The following SPNS2 variants were observed in gnomAD, a reference collection of about 807,000 sequenced individuals.
SPNS2 encodes the protein sphingosine-1-phosphate transporter SPNS2.
A neutral mutation model predicts 57.6 loss-of-function variants in SPNS2; 37 were observed. That is an observed-to-expected ratio of 0.64 (90% confidence interval 0.49 to 0.85). SPNS2 has a LOEUF of 0.85. Among genes scored for constraint, SPNS2 ranks in the 40% least tolerant of loss-of-function variants. The pLI is 0.00. For missense variants in SPNS2, 831 were observed against 779.1 expected (o/e 1.07, Z -0.79); for synonymous variants, 440 against 346.9 (o/e 1.27, Z -2.98).
At chr17:4,505,197 A>AC (rs1169394057) in intron 1 of SPNS2, among the ~76,000 whole-genome samples, 1 of 151,770 alleles carries the variant, frequency 6.6e-6, no homozygotes, top group Non-Finnish European at 1.5e-5. Flanking sequence ...CACACCTGGG[A>AC]CCCCCGCATG....
chr17:4,518,454 C>T (rs571343496), intron 2 of SPNS2, among the ~76,000 whole-genome samples: 14 of 152,274 alleles, frequency 9.2e-5, no homozygotes, highest in African/African-American at 3.1e-4. Context: ...ACCCAGGAGG[C>T]GGAGCTTGCA....
chr17:4,503,949 G>A (rs1904602425), intron 1 of SPNS2, among the ~76,000 whole-genome samples: 1 of 151,952 alleles, frequency 6.6e-6, no homozygotes, highest in Admixed American at 6.5e-5. Context: ...GCAGGAGGAG[G>A]GGGTGCCAGG....
intron 9 of SPNS2, 71 bp downstream of exon 9, chr17:4,533,924 GAGGGCGGGTGAA>G: frequency 3.3e-6 from 4 of 1,226,594 alleles, no homozygotes; most frequent in Non-Finnish European, 2.4e-6. Context: ...GGTGCCTGGG[GAGGGCGGGTGAA>G]GGGGCGGGAG....
Position 4,533,092 on chromosome 17 carries a change from G to A in SPNS2, c.1051G>A (p.Glu351Lys). Residue 351 changes from glutamate (E) to lysine (K), a missense_variant, in exon 7 of 13, where the codon GAG becomes AAG. This residue lies in a region of SPNS2 where 526 missense variants were observed against 400.9 expected (regional missense o/e 1.31). Coordinates refer to ENST00000329078, the MANE Select transcript of SPNS2 (RefSeq NM_001124758.3). ...HRAQVVQKTA[E>K]TCNSPPCGAK... Reference sequence around the variant, plus strand: ...CGCCCAAGTTGTGCAGAAGACAGCAGAGACGTGCAACAGCCCGCCCTGTGG... The same window carrying A: ...CGCCCAAGTTGTGCAGAAGACAGCAAAGACGTGCAACAGCCCGCCCTGTGG... 6.2e-7 allele frequency: 1 copy of A among 1,612,924 alleles called. No individual in the cohort carries two copies. Among genetic ancestry groups the A allele is most frequent in the Non-Finnish European group, 8.5e-7 (1 of 1,179,722 alleles).
intron 9 of SPNS2, among the ~76,000 whole-genome samples, chr17:4,535,060 T>G (rs1905709313): frequency 6.6e-6 from 1 of 152,198 alleles, no homozygotes; most frequent in African/African-American, 2.4e-5. Context: ...GCTGGTTGCT[T>G]GCACACAATG....
intron 9 of SPNS2, among the ~76,000 whole-genome samples, chr17:4,535,096 G>C (rs1028548451): frequency 6.6e-6 from 1 of 152,094 alleles, no homozygotes; most frequent in Non-Finnish European, 1.5e-5. Context: ...ACTCCAAAGA[G>C]GCGAGGCAGC....
At chr17:4,523,786 C>T (rs1905199543) in intron 2 of SPNS2, among the ~76,000 whole-genome samples, 1 of 152,220 alleles carries the variant, frequency 6.6e-6, no homozygotes. Flanking sequence ...CACACACACC[C>T]TTCCAAGCTC....
intron 2 of SPNS2, among the ~76,000 whole-genome samples, chr17:4,519,311 G>T (rs1179925026): frequency 6.6e-6 from 1 of 152,230 alleles, no homozygotes; most frequent in Non-Finnish European, 1.5e-5. Flanking sequence ...GGGTCATACA[G>T]GCCATGTGTG....
intron 2 of SPNS2, among the ~76,000 whole-genome samples, chr17:4,515,146 C>CT (rs1327020077): frequency 1.3e-5 from 2 of 152,098 alleles, no homozygotes; most frequent in Non-Finnish European, 2.9e-5. Flanking sequence ...GTTCTTTCTG[C>CT]GGTTCTGTCC....
At chr17:4,536,864 A>G (rs1483072436) in intron 11 of SPNS2, 36 bp from the exon 12 acceptor site, 1 of 1,602,472 alleles carries the variant, frequency 6.2e-7, no homozygotes, top group East Asian at 2.2e-5. Context: ...GCCCCCGCTG[A>G]TGCACCACCC....
In SPNS2 at chr17:4,536,382, C is replaced by T. The variant is rs747375542; in HGVS notation, c.1563C>T (p.Ala521=). The part of the protein sequence containing the change: ...VVVLGGMFFL[A]TALFFVSDRA... Reference sequence around the variant, plus strand: ...TCCTGGGCGGCATGTTCTTCCTCGCCACTGCGCTCTTCTTCGTCAGCGACC... The same window carrying T: ...TCCTGGGCGGCATGTTCTTCCTCGCTACTGCGCTCTTCTTCGTCAGCGACC... The change falls in exon 11 of 13, where the codon GCC becomes GCT. Residue 521 remains alanine, a synonymous_variant. Coordinates refer to ENST00000329078, the MANE Select transcript of SPNS2 (RefSeq NM_001124758.3). 2.5e-6 allele frequency: 4 copies of T among 1,608,108 alleles called. No individual in the cohort carries two copies. Among genetic ancestry groups the T allele is most frequent in the South Asian group, 1.1e-5 (1 of 91,092 alleles).
At chr17:4,530,156 C>G (rs544656667) in intron 3 of SPNS2, among the ~76,000 whole-genome samples, 116 of 151,714 alleles carry the variant, frequency 7.6e-4, no homozygotes, top group African/African-American at 2.7e-3. Context: ...TGCCAACGCC[C>G]CACTCCCCAC....
intron 9 of SPNS2, 105 bp from the exon 10 acceptor site, chr17:4,535,971 G>A (rs1461507796): frequency 2.2e-6 from 2 of 889,906 alleles, no homozygotes; most frequent in South Asian, 1.6e-5. Flanking sequence ...TAGGGCAGGA[G>A]TGAGTCTGAG....
chr17:4,533,466 G>T, intron 8 of SPNS2, 34 bp downstream of exon 8: 1 of 1,559,510 alleles, frequency 6.4e-7, no homozygotes. Flanking sequence ...TGCTGGGGGA[G>T]CTGGGCCTGG....
At chr17:4,519,623 G>A (rs1217446738) in intron 2 of SPNS2, among the ~76,000 whole-genome samples, 1 of 1,834 alleles carries the variant, frequency 5.5e-4, no homozygotes, top group African/African-American at 1.7e-3. Context: ...TCCACAGGAT[G>A]TCCCTGCGGG....
rs553805487 is a variant in SPNS2 at position 4,510,019 on chromosome 17, G to A, written c.371-3228G>A. 3.3e-5 allele frequency among the ~76,000 whole-genome samples: 5 copies of A among 152,250 alleles called. No homozygotes were observed. The highest frequency in any genetic ancestry group is 5.9e-5 in the Non-Finnish European group (4 of 68,046). ...GCTGTGGTGAAGAAGGGAGGGGTGC[G>A]TGGGCCTGAGCCGTGCTGGAGCCCA... On this transcript the variant is annotated intron_variant, in intron 1 of 12. Coordinates refer to ENST00000329078, the MANE Select transcript of SPNS2 (RefSeq NM_001124758.3). The surrounding 1 kb of genome is among the most constrained non-coding windows in gnomAD (Gnocchi z 4.4).
chr17:4,534,153 G>A lies in SPNS2; in HGVS notation c.1344+300G>A, dbSNP rs547903885. On this transcript the variant is annotated intron_variant, in intron 9 of 12. Transcript: ENST00000329078. ...GGTGCCAGGCTGGCACTGAGGTGGC[G>A]CTGCCTGCCCGCCCTCCTCCCCCCG... Among the ~76,000 whole-genome samples, 24 of 152,296 alleles carry A rather than the reference G, an allele frequency of 1.6e-4. No individual in the cohort carries two copies. In the South Asian group the frequency reaches 3.7e-3, roughly 24 times the overall value.
chr17:4,537,811 G>A lies in SPNS2; in HGVS notation c.*363G>A, dbSNP rs573774720. On this transcript the variant is annotated 3_prime_UTR_variant, in exon 13 of 13. Coordinates refer to ENST00000329078, the MANE Select transcript of SPNS2 (RefSeq NM_001124758.3). ...GTCCCTGCCCTCCCTGGAACGAAGGGCCAGGGGGCTGGACTTTCCCACACA... is the reference window on the plus strand; with the variant it reads ...GTCCCTGCCCTCCCTGGAACGAAGGACCAGGGGGCTGGACTTTCCCACACA... The A allele has an allele frequency of 2.2e-6, 1 of 455,632 alleles. No individual in the cohort carries two copies. Among genetic ancestry groups the A allele is most frequent in the African/African-American group, 2.0e-5 (1 of 50,064 alleles). The allele number at this position is 455,632 out of a possible 1,614,324, so 28.2% of individuals were successfully genotyped here. A position where few individuals can be genotyped will look rare whatever the true frequency, so the allele number is the denominator to read the frequency against.
rs1077200 is a variant in SPNS2 at position 4,536,018 on chromosome 17, A to G, written c.1345-58A>G. On this transcript the variant is annotated intron_variant, in intron 9 of 12. Coordinates refer to ENST00000329078, the MANE Select transcript of SPNS2 (RefSeq NM_001124758.3). ...TTCAGAAGTGCCACGGCCCGGGGCC[A>G]GGGCCAAGCGCGTGAGCCTTTCTCC... 1 allele frequency: 1,499,772 copies of G among 1,503,918 alleles called. 747,889 individuals carry two copies. Among genetic ancestry groups the G allele is most frequent in the Non-Finnish European group, 1 (1,100,430 of 1,100,670 alleles). 93.2% of individuals were successfully genotyped at this position (1,503,918 alleles called of 1,614,324 possible). A position where few individuals can be genotyped will look rare whatever the true frequency, so the allele number is the denominator to read the frequency against.
Sources: gnomAD v4.1 joint callset for allele counts (sites outside exome capture counted in the v4.1 genomes callset) on GRCh38, gnomAD v4.1.1 for gene constraint, gnomAD v4.1.1 regional missense constraint, Gnocchi (gnomAD v3.1) non-coding constraint, MANE v1.5 for transcripts, NCBI Gene and HGNC (gene_info 2026-07-23, HGNC 2026-07-21) for gene names.